The following LOXL2 variants were observed in gnomAD, a reference collection of about 807,000 sequenced individuals.
The protein encoded by LOXL2 is lysyl oxidase like 2.
Under a neutral mutation model 93.0 loss-of-function variants are expected in LOXL2, and 70 were observed. That is an observed-to-expected ratio of 0.75 (90% confidence interval 0.62 to 0.92). The LOEUF (loss-of-function observed/expected upper bound fraction) is 0.92. LOXL2 is among the 40% of genes least tolerant of loss of function. The probability of loss-of-function intolerance (pLI) is 0.00; values close to 1 mark genes in which losing one functional copy is unlikely to be tolerated. For synonymous variants in LOXL2, 438 were observed against 413.2 expected (o/e 1.06, Z -0.73); for missense variants, 973 against 1,054.9 (o/e 0.92, Z 1.08).
At chr8:23,392,039 C>T (rs753680569) in intron 1 of LOXL2, among the ~76,000 whole-genome samples, 2 of 152,222 alleles carry the variant, frequency 1.3e-5, no homozygotes, top group Non-Finnish European at 2.9e-5. Context: ...GCTCTGTATA[C>T]CTTTCGCATC....
intron 6 of LOXL2, among the ~76,000 whole-genome samples, chr8:23,323,901 C>T (rs1422408062): frequency 6.6e-6 from 1 of 152,138 alleles, no homozygotes; most frequent in Admixed American, 6.5e-5. Context: ...GGGGTTTCAC[C>T]ATGTTGGCCA....
chr8:23,327,800 C>T (rs190516543), intron 6 of LOXL2, among the ~76,000 whole-genome samples: 111 of 152,310 alleles, frequency 7.3e-4, no homozygotes, highest in African/African-American at 2.6e-3. Flanking sequence ...ACTTGAAAGC[C>T]TCCCTTCCGT....
chr8:23,388,974 G>GT (rs1433757989), intron 1 of LOXL2, among the ~76,000 whole-genome samples: 1 of 152,128 alleles, frequency 6.6e-6, no homozygotes, highest in African/African-American at 2.4e-5. Flanking sequence ...TGTTACAATT[G>GT]TCCAACAAGC....
At position 23,297,170 on chromosome 8, in the gene LOXL2, C is replaced by T. The variant is rs1258312893; in HGVS notation, c.*873G>A. On this transcript the variant is annotated 3_prime_UTR_variant, in exon 14 of 14. Transcript: ENST00000389131. ...CCCAGGTGCTGTGGGTCAAAGGAAA[C>T]ACAGACACGTTTCATAAATCTTTCT... 3 of 152,150 alleles carry T rather than the reference C, an allele frequency of 2.0e-5. No homozygotes were observed. The highest frequency in any genetic ancestry group is 7.2e-5 in the African/African-American group (3 of 41,420). 9.4% of individuals were successfully genotyped at this position (152,150 alleles called of 1,614,324 possible). A position where few individuals can be genotyped will look rare whatever the true frequency, so the allele number is the denominator to read the frequency against.
intron 2 of LOXL2, chr8:23,365,632 C>T (rs1250615305): frequency 1.3e-5 from 2 of 151,444 alleles, no homozygotes; most frequent in Non-Finnish European, 2.9e-5. Flanking sequence ...CTGGTCTCTT[C>T]GTTAATACAC....
intron 8 of LOXL2, 73 bp from the exon 9 acceptor site, chr8:23,317,187 C>A: frequency 1.3e-6 from 2 of 1,494,920 alleles, no homozygotes; most frequent in Non-Finnish European, 1.9e-6. Context: ...TATCAACTTG[C>A]AGCCTCACAA....
At chr8:23,386,028 A>G in intron 1 of LOXL2, 1 of 765,316 alleles carries the variant, frequency 1.3e-6, no homozygotes, top group Non-Finnish European at 2.4e-6. Flanking sequence ...GCAAGGTATT[A>G]TCAGCATCCC....
chr8:23,299,029 A>T, intron 12 of LOXL2, 82 bp from the exon 13 acceptor site: 2 of 818,848 alleles, frequency 2.4e-6, no homozygotes, highest in Non-Finnish European at 4.3e-6. Flanking sequence ...AGAGACCAGC[A>T]CCTCAGGGAA....
At chr8:23,391,267 T>C (rs1804840039) in intron 1 of LOXL2, among the ~76,000 whole-genome samples, 1 of 152,148 alleles carries the variant, frequency 6.6e-6, no homozygotes, top group Non-Finnish European at 1.5e-5. Context: ...ACAAGAGACA[T>C]GGTTTGACTA....
At chr8:23,309,948 A>C in intron 9 of LOXL2, 37 bp from the exon 10 acceptor site, 3 of 1,416,822 alleles carry the variant, frequency 2.1e-6, no homozygotes, top group East Asian at 2.7e-5. Flanking sequence ...AAGGCAAGAG[A>C]CCCCTCCCCA....
At chr8:23,332,815 C>T (rs1329787871) in intron 5 of LOXL2, among the ~76,000 whole-genome samples, 1 of 103,410 alleles carries the variant, frequency 9.7e-6, no homozygotes, top group Non-Finnish European at 2.0e-5. Context: ...CATACACCCC[C>T]ACTCATACAC....
chr8:23,388,972 T>A (rs1172082586), intron 1 of LOXL2, among the ~76,000 whole-genome samples: 1 of 152,202 alleles, frequency 6.6e-6, no homozygotes, highest in African/African-American at 2.4e-5. Flanking sequence ...ACTGTTACAA[T>A]TGTCCAACAA....
chr8:23,379,881 GCTTC>G (rs1278598208), intron 1 of LOXL2, among the ~76,000 whole-genome samples: 9 of 152,112 alleles, frequency 5.9e-5, no homozygotes, highest in African/African-American at 2.2e-4. Context: ...GAACCCTTGC[GCTTC>G]CTGGGTGAGG....
At chr8:23,306,850 GGCCC>G (rs1379346564) in intron 10 of LOXL2, among the ~76,000 whole-genome samples, 5 of 152,214 alleles carry the variant, frequency 3.3e-5, no homozygotes, top group Non-Finnish European at 5.9e-5. Context: ...GAGCAGCGGT[GGCCC>G]CACAAGAGGC....
chr8:23,348,610 G>A (rs1448235197), intron 3 of LOXL2, among the ~76,000 whole-genome samples: 1 of 151,958 alleles, frequency 6.6e-6, no homozygotes, highest in Non-Finnish European at 1.5e-5. Context: ...GGGTGCGGTG[G>A]CTCACGCCTG....
chr8:23,386,065 CAGAA>C (rs757995154), intron 1 of LOXL2: 14 of 764,858 alleles, frequency 1.8e-5, no homozygotes, highest in Non-Finnish European at 2.9e-5. Flanking sequence ...AACCGAGAGA[CAGAA>C]AGGCTACATG....
intron 4 of LOXL2, among the ~76,000 whole-genome samples, chr8:23,334,847 C>G (rs1475375386): frequency 1.3e-5 from 2 of 148,218 alleles, no homozygotes; most frequent in Non-Finnish European, 3.0e-5. Context: ...GATGGAGTCT[C>G]ACTCTGTTGC....
chr8:23,376,872 G>C (rs1262191266), intron 1 of LOXL2, among the ~76,000 whole-genome samples: 3 of 151,938 alleles, frequency 2.0e-5, no homozygotes, highest in Non-Finnish European at 4.4e-5. Context: ...CAATTTTGTT[G>C]ATCTTTTCAA....
rs771459292 is a variant in LOXL2 at position 23,368,265 on chromosome 8, G to A, written c.87C>T (p.Ser29=). The part of the protein sequence containing the change: ...LSPLSLAQYD[S]WPHYPEYFQQ... Reference sequence around the variant, plus strand: ...GGAAGTACTCGGGGTAATGGGGCCAGCTGTCATACTGTGCCAGGCTCAGGG... The same window carrying A: ...GGAAGTACTCGGGGTAATGGGGCCAACTGTCATACTGTGCCAGGCTCAGGG... The change falls in exon 2 of 14, where the codon AGC becomes AGT. Residue 29 remains serine, a synonymous_variant. Coordinates refer to ENST00000389131, the MANE Select transcript of LOXL2 (RefSeq NM_002318.3). 9.3e-6 allele frequency: 15 copies of A among 1,613,860 alleles called. No homozygotes were observed. In the East Asian group the frequency reaches 3.3e-4, roughly 36 times the overall value.
Sources: gnomAD v4.1 joint callset for allele counts (sites outside exome capture counted in the v4.1 genomes callset) on GRCh38, gnomAD v4.1.1 for gene constraint, MANE v1.5 for transcripts, NCBI Gene and HGNC (gene_info 2026-07-23, HGNC 2026-07-21) for gene names.